Variants in DOCK2 observed in about 807,000 individuals in gnomAD.
DOCK2 encodes the protein dedicator of cytokinesis 2, also known as dedicator of cytokinesis protein 2.
Under a neutral mutation model 248.9 loss-of-function variants are expected in DOCK2, and 87 were observed. The observed-to-expected ratio is 0.35, with a 90% CI of 0.29 to 0.42. The LOEUF is 0.42. Ranked by LOEUF, DOCK2 falls within the 10% of genes least tolerant of loss-of-function variation. The pLI is 1.00. For synonymous variants in DOCK2, 805 were observed against 821.6 expected (o/e 0.98, Z 0.35); for missense variants, 1,747 against 2,300.2 (o/e 0.76, Z 4.92).
rs148171706 is a variant in DOCK2 at position 169,930,288 on chromosome 5, C to G, written c.2800-52780C>G. On this transcript the variant is annotated intron_variant, in intron 27 of 51. Transcript: ENST00000520908. ...TACAGGCTTGAGCCACCGCACCTGG[C>G]CTAATTTAAATTTAAATAACCACAT... 5.0e-3 allele frequency among the ~76,000 whole-genome samples: 760 copies of G among 152,258 alleles called. 14 individuals carry two copies. The highest frequency in any genetic ancestry group is 0.033 in the Admixed American group (501 of 15,292).
Position 170,036,501 on chromosome 5 carries a change from C to T in DOCK2, c.3625-14C>T, listed in dbSNP as rs1290567492. On this transcript the variant is annotated splice_polypyrimidine_tract_variant and intron_variant, in intron 35 of 51. Transcript: ENST00000520908. ...GAGAACAACACTCATCATTGTTTTT[C>T]CTCCCCTACCTAGAATTTCTACAAA... 2 of 1,612,218 alleles carry T rather than the reference C, an allele frequency of 1.2e-6. No homozygotes were observed. Among genetic ancestry groups the T allele is most frequent in the South Asian group, 1.1e-5 (1 of 90,672 alleles).
intron 25 of DOCK2, among the ~76,000 whole-genome samples, chr5:169,772,276 G>A (rs1412327226): frequency 2.0e-5 from 3 of 152,198 alleles, no homozygotes; most frequent in African/African-American, 7.2e-5. Context: ...GGAATTATGT[G>A]CCAAGGCATA....
intron 27 of DOCK2, among the ~76,000 whole-genome samples, chr5:169,911,914 T>C (rs1774618198): frequency 6.6e-6 from 1 of 152,238 alleles, no homozygotes; most frequent in African/African-American, 2.4e-5. Context: ...CAGAGTCTCA[T>C]GGGGCTATTA....
In DOCK2 at chr5:170,047,495, G is replaced by A. The variant is rs1183330888; in HGVS notation, c.3967-15G>A. On this transcript the variant is annotated splice_polypyrimidine_tract_variant and intron_variant, in intron 39 of 51. Transcript: ENST00000520908. ...ACACATCTGTGTTGCAACAAACCTT[G>A]TTTTCTTCCTTTAGATCCAGCAGGC... The A allele has an allele frequency of 6.2e-7, 1 of 1,612,380 alleles. No homozygotes were observed. The highest frequency in any genetic ancestry group is 2.2e-5 in the East Asian group (1 of 44,824).
At chr5:169,968,665 T>G (rs1354105963) in intron 27 of DOCK2, among the ~76,000 whole-genome samples, 1 of 152,224 alleles carries the variant, frequency 6.6e-6, no homozygotes, top group Non-Finnish European at 1.5e-5. Flanking sequence ...CTTCGAAATC[T>G]TCACATTTTT....
intron 44 of DOCK2, among the ~76,000 whole-genome samples, chr5:170,059,406 G>A (rs543663458): frequency 1.5e-4 from 23 of 152,224 alleles, no homozygotes; most frequent in Non-Finnish European, 2.5e-4. Context: ...CATTAGCCCT[G>A]ACTGAGCCCT....
intron 25 of DOCK2, among the ~76,000 whole-genome samples, chr5:169,791,883 C>T (rs1766358511): frequency 6.6e-6 from 1 of 152,186 alleles, no homozygotes; most frequent in East Asian, 1.9e-4. Context: ...TCCACTCTCT[C>T]ACTCCCCTTC....
In DOCK2 at chr5:169,783,801, A is replaced by G. The variant is rs1042249365; in HGVS notation, c.2555-19257A>G. On this transcript the variant is annotated intron_variant, in intron 25 of 51. Coordinates refer to ENST00000520908, the MANE Select transcript of DOCK2 (RefSeq NM_004946.3). ...GTTGTTATCACTATTTTACAGATGG[A>G]TAAACCTGCTTAAATGTGCCAGTTC... Among the ~76,000 whole-genome samples the G allele has an allele frequency of 9.9e-5, 15 of 152,232 alleles. 1 individual carries two copies. The South Asian group carries it at 2.5e-3, about 25-fold the overall frequency.
rs58184505 is a variant in DOCK2 at position 169,796,922 on chromosome 5, A to G, written c.2555-6136A>G. Among the ~76,000 whole-genome samples, 552 of 152,342 alleles carry G rather than the reference A, an allele frequency of 3.6e-3. 21 individuals are homozygous for G. The East Asian group carries it at 0.069, about 19-fold the overall frequency. Reference sequence around the variant, plus strand: ...AGTTAAGGGAAGAGCTTGCTCACAGATGGCCTCCAGCCATGCCAGAGAGTT... The same window carrying G: ...AGTTAAGGGAAGAGCTTGCTCACAGGTGGCCTCCAGCCATGCCAGAGAGTT... On this transcript the variant is annotated intron_variant, in intron 25 of 51. Coordinates refer to ENST00000520908, the MANE Select transcript of DOCK2 (RefSeq NM_004946.3).
intron 39 of DOCK2, among the ~76,000 whole-genome samples, chr5:170,047,110 A>C (rs1756741965): frequency 6.6e-6 from 1 of 152,200 alleles, no homozygotes; most frequent in African/African-American, 2.4e-5. Context: ...GCATTTATTC[A>C]TTCCATAGCC....
In DOCK2 at chr5:169,741,090, G is replaced by A. The variant is rs1365041681; in HGVS notation, c.2268-6306G>A. On this transcript the variant is annotated intron_variant, in intron 22 of 51. Coordinates refer to ENST00000520908, the MANE Select transcript of DOCK2 (RefSeq NM_004946.3). Reference sequence around the variant, plus strand: ...TCCTCCCATTTCGGCCTCCCAAAGTGTTGGGATTATAGGTGTGAGCCACTG... The same window carrying A: ...TCCTCCCATTTCGGCCTCCCAAAGTATTGGGATTATAGGTGTGAGCCACTG... Among the ~76,000 whole-genome samples the A allele has an allele frequency of 2.0e-5, 3 of 152,288 alleles. No homozygotes were observed. The East Asian group carries it at 5.8e-4, about 29-fold the overall frequency.
chr5:169,783,102 C>T (rs1303113885), intron 25 of DOCK2, among the ~76,000 whole-genome samples: 12 of 152,108 alleles, frequency 7.9e-5, no homozygotes, highest in South Asian at 2.1e-4. Context: ...ATAAGCAAAG[C>T]GCCATGAGAC....
At chr5:169,708,658 A>G (rs2449565) in intron 15 of DOCK2, among the ~76,000 whole-genome samples, 99,241 of 151,512 alleles carry the variant, frequency 0.66, 32,952 homozygotes, top group East Asian at 0.88. Flanking sequence ...ACTGTCTCCC[A>G]GGTTCTAGTG....
intron 22 of DOCK2, among the ~76,000 whole-genome samples, chr5:169,721,283 A>G (rs1274369603): frequency 6.6e-6 from 1 of 152,170 alleles, no homozygotes; most frequent in Non-Finnish European, 1.5e-5. Context: ...TGGTCAGGAG[A>G]GGTCTCTAAA....
chr5:169,919,397 T>G (rs1418396178), intron 27 of DOCK2, among the ~76,000 whole-genome samples: 1 of 152,188 alleles, frequency 6.6e-6, no homozygotes, highest in Non-Finnish European at 1.5e-5. Context: ...GGACACAAAC[T>G]AATTCACACT....
In DOCK2 at chr5:170,008,692, G is replaced by A; in HGVS notation, c.3178G>A (p.Gly1060Arg). Residue 1060 changes from glycine (G) to arginine (R), a missense_variant, in exon 32 of 52, where the codon GGG (glycine) becomes AGG (arginine). By Grantham distance (125) the Gly-to-Arg change is moderately radical. Around this residue, in one of 4 missense-constraint regions of DOCK2, gnomAD observed 858 missense variants for 1,183.5 expected, o/e 0.72. Coordinates refer to ENST00000520908, the MANE Select transcript of DOCK2 (RefSeq NM_004946.3). The stretch of plus-strand genomic sequence containing the variant: ...AGAGGTTTTTGTTCCTCCTAGGTAT[G>A]GGGACATGAGACGGCTAATTGGCTT... The part of the protein sequence containing the change: ...AKYNKILNKY[G>R]DMRRLIGFSI... 1 of 1,614,082 alleles carries A rather than the reference G, an allele frequency of 6.2e-7. No individual in the cohort carries two copies. Among genetic ancestry groups the A allele is most frequent in the Non-Finnish European group, 8.5e-7 (1 of 1,179,978 alleles).
intron 33 of DOCK2, among the ~76,000 whole-genome samples, chr5:170,027,635 GCTCTCT>G (rs150089579): frequency 6.7e-6 from 1 of 150,070 alleles, no homozygotes; most frequent in Non-Finnish European, 1.5e-5. Flanking sequence ...TCTCGCACGT[GCTCTCT>G]CTCTCTCTCT....
At chr5:169,843,812 T>G (rs943758827) in intron 27 of DOCK2, among the ~76,000 whole-genome samples, 1 of 152,186 alleles carries the variant, frequency 6.6e-6, no homozygotes, top group African/African-American at 2.4e-5. Flanking sequence ...CAATTCAAGG[T>G]CATTTGTGTC....
chr5:170,024,919 G>A (rs1182105973), intron 33 of DOCK2, among the ~76,000 whole-genome samples: 1 of 152,120 alleles, frequency 6.6e-6, no homozygotes. Context: ...AGGCTCTTTT[G>A]TGATCCTGAG....
Sources: gnomAD v4.1 joint callset for allele counts (sites outside exome capture counted in the v4.1 genomes callset) on GRCh38, gnomAD v4.1.1 for gene constraint, gnomAD v4.1.1 regional missense constraint, MANE v1.5 for transcripts, NCBI Gene and HGNC (gene_info 2026-07-23, HGNC 2026-07-21) for gene names.